Variants in HACD3 observed in about 807,000 individuals in gnomAD.
HACD3 encodes the protein very-long-chain (3R)-3-hydroxyacyl-CoA dehydratase 3.
HACD3 carries 30 observed loss-of-function variants against 55.2 expected under a neutral mutation model. The observed-to-expected ratio is 0.54, with a 90% CI of 0.41 to 0.74. The LOEUF (loss-of-function observed/expected upper bound fraction) is 0.74, where lower values mean the gene tolerates loss of function less well. Ranked by LOEUF, HACD3 falls within the 30% of genes least tolerant of loss-of-function variation. The pLI is 0.00. For synonymous variants in HACD3, 141 were observed against 151.7 expected (o/e 0.93, Z 0.52); for missense variants, 363 against 440.1 (o/e 0.82, Z 1.57).
At position 65,577,975 on chromosome 15, in the gene HACD3, T is replaced by C. The variant is rs1468365132; in HGVS notation, c.*1596T>C. The C allele has an allele frequency of 6.6e-6, 1 of 152,594 alleles. No individual in the cohort carries two copies. Among genetic ancestry groups the C allele is most frequent in the Admixed American group, 6.5e-5 (1 of 15,274 alleles). The allele number at this position is 152,594 out of a possible 1,614,324, so 9.5% of individuals were successfully genotyped here. ...TTGCATAAAAGAATTTAAGGAGTGA[T>C]AGCTCTTTCTGTTCTGCCATTCCCA... is the stretch of plus-strand genomic sequence containing the variant. On this transcript the variant is annotated 3_prime_UTR_variant, in exon 11 of 11. Transcript: ENST00000261875.
intron 5 of HACD3, among the ~76,000 whole-genome samples, chr15:65,561,212 AT>A (rs1428694622): frequency 1.3e-5 from 2 of 152,176 alleles, no homozygotes; most frequent in Non-Finnish European, 2.9e-5. Flanking sequence ...CATGCCTGTA[AT>A]CCCAGCACTT....
At chr15:65,551,620 T>C in intron 1 of HACD3, 56 bp from the exon 2 acceptor site, 1 of 1,598,028 alleles carries the variant, frequency 6.3e-7, no homozygotes. Context: ...CCTTGTTTAA[T>C]CTCATTTTTT....
intron 2 of HACD3, chr15:65,552,008 G>A (rs780267905): frequency 2.2e-5 from 7 of 317,586 alleles, no homozygotes; most frequent in East Asian, 1.3e-4. Context: ...TAATTCTGCC[G>A]CTATCTTGGA....
At chr15:65,569,385 C>T (rs918269223) in intron 7 of HACD3, among the ~76,000 whole-genome samples, 1 of 151,728 alleles carries the variant, frequency 6.6e-6, no homozygotes, top group Non-Finnish European at 1.5e-5. Flanking sequence ...ATATACTGTT[C>T]AGGAATACAT....
At chr15:65,549,137 A>G (rs1190005586) in intron 1 of HACD3, among the ~76,000 whole-genome samples, 1 of 152,230 alleles carries the variant, frequency 6.6e-6, no homozygotes. Context: ...TTGAATAAAA[A>G]TGTCTTAAAA....
chr15:65,569,692 A>C (rs1261275662), intron 7 of HACD3, among the ~76,000 whole-genome samples: 1 of 152,202 alleles, frequency 6.6e-6, no homozygotes, highest in Non-Finnish European at 1.5e-5. Context: ...CGGGTGACGG[A>C]GCGAGACCCC....
At position 65,556,904 on chromosome 15, in the gene HACD3, G is replaced by A. The variant is rs975911268; in HGVS notation, c.369+1G>A. On this transcript the variant is annotated splice_donor_variant, in intron 4 of 10. Coordinates refer to ENST00000261875, the MANE Select transcript of HACD3 (RefSeq NM_016395.4). LOFTEE classifies it high-confidence loss of function. Reference sequence around the variant, plus strand: ...TGCGGAAATGGAGCTCAGAGCTAAGGTTAGTAAGGATCCTAGGATCTAGCC... The same window carrying A: ...TGCGGAAATGGAGCTCAGAGCTAAGATTAGTAAGGATCCTAGGATCTAGCC... 1 of 1,610,118 alleles carries A rather than the reference G, an allele frequency of 6.2e-7. No homozygotes were observed. Among genetic ancestry groups the A allele is most frequent in the Non-Finnish European group, 8.5e-7 (1 of 1,177,948 alleles).
intron 1 of HACD3, among the ~76,000 whole-genome samples, chr15:65,537,952 AAAAAAAATATATATAT>A (rs2071976428): frequency 2.6e-4 from 6 of 23,154 alleles, no homozygotes; most frequent in East Asian, 3.5e-3. Context: ...AAAAAAAAAA[AAAAAAAATATATATAT>A]ATATATATAT....
intron 3 of HACD3, among the ~76,000 whole-genome samples, 192 bp from the exon 4 acceptor site, chr15:65,556,547 T>C (rs1213611701): frequency 1.3e-5 from 2 of 152,170 alleles, no homozygotes; most frequent in African/African-American, 4.8e-5. Context: ...CAACAGGCCA[T>C]GGACCAGTAT....
At chr15:65,554,641 G>T (rs979393502) in intron 2 of HACD3, among the ~76,000 whole-genome samples, 1 of 152,174 alleles carries the variant, frequency 6.6e-6, no homozygotes, top group African/African-American at 2.4e-5. Flanking sequence ...TGGGCATGGT[G>T]GCGGGAGCCT....
At chr15:65,553,712 C>T (rs534658374) in intron 2 of HACD3, among the ~76,000 whole-genome samples, 5 of 152,236 alleles carry the variant, frequency 3.3e-5, no homozygotes, top group African/African-American at 9.6e-5. Context: ...ACTGTCCTAC[C>T]TTAAGGAATT....
intron 10 of HACD3, among the ~76,000 whole-genome samples, chr15:65,573,504 A>C (rs1295795112): frequency 2.6e-5 from 4 of 151,948 alleles, no homozygotes; most frequent in Non-Finnish European, 5.9e-5. Context: ...GCTACTTGGG[A>C]GGCTGAGGCA....
At chr15:65,560,066 G>A (rs1466488701) in intron 5 of HACD3, among the ~76,000 whole-genome samples, 1 of 148,840 alleles carries the variant, frequency 6.7e-6, no homozygotes, top group Non-Finnish European at 1.5e-5. Flanking sequence ...TTTTTGAGAT[G>A]GGGTCTTGCT....
intron 6 of HACD3, among the ~76,000 whole-genome samples, chr15:65,563,590 G>C (rs536120412): frequency 6.6e-6 from 1 of 152,088 alleles, no homozygotes; most frequent in Non-Finnish European, 1.5e-5. Flanking sequence ...GATCTCTTGC[G>C]CCCAGGAGGT....
intron 2 of HACD3, among the ~76,000 whole-genome samples, chr15:65,554,335 A>G (rs995752965): frequency 2.3e-4 from 35 of 152,332 alleles, no homozygotes; most frequent in African/African-American, 8.4e-4. Context: ...CAAAACTGAC[A>G]TCAGAGGACA....
At position 65,568,454 on chromosome 15, in the gene HACD3, G is replaced by A. The variant is rs1403618118; in HGVS notation, c.661-1637G>A. Among the ~76,000 whole-genome samples the A allele has an allele frequency of 4.0e-5, 6 of 151,290 alleles. 1 individual carries two copies. Among genetic ancestry groups the A allele is most frequent in the Admixed American group, 3.3e-4 (5 of 15,164 alleles). On this transcript the variant is annotated intron_variant, in intron 7 of 10. Coordinates refer to ENST00000261875, the MANE Select transcript of HACD3 (RefSeq NM_016395.4). ...GCTCACTGCAACCTCGGCCTCCCAC[G>A]TTCAAGCGATTCTCCTACCTCAGCC... is the stretch of plus-strand genomic sequence containing the variant.
In HACD3 at chr15:65,572,273, A is replaced by T. The variant is rs2072355781; in HGVS notation, c.919A>T (p.Thr307Ser). Residue 307 changes from threonine to serine, a missense_variant, in exon 10 of 11, where the codon ACC becomes TCC. Transcript: ENST00000261875. The stretch of plus-strand genomic sequence containing the variant: ...TCAGTCCATTCCAATATTCAATGAG[A>T]CCGGACGATTCAGTTTCACATTGCC... ...VIQSIPIFNE[T>S]GRFSFTLPYP... is the part of the protein sequence containing the mutation. 1 of 1,613,332 alleles carries T rather than the reference A, an allele frequency of 6.2e-7. No individual in the cohort carries two copies. Among genetic ancestry groups the T allele is most frequent in the Non-Finnish European group, 8.5e-7 (1 of 1,179,782 alleles).
intron 6 of HACD3, 81 bp from the exon 7 acceptor site, chr15:65,564,134 G>T: frequency 6.8e-7 from 1 of 1,479,002 alleles, no homozygotes. Context: ...TTATTTTCAC[G>T]AAAGGAGTAA....
At position 65,571,584 on chromosome 15, in the gene HACD3, T is replaced by C. The variant is rs766200645; in HGVS notation, c.810T>C (p.Asp270=). The change falls in exon 9 of 11, where the codon GAT becomes GAC. Residue 270 remains aspartate (D), a synonymous_variant. Coordinates refer to ENST00000261875, the MANE Select transcript of HACD3 (RefSeq NM_016395.4). ...ACATGCTGACGTGCATTGACATGGA[T>C]TGGAAGGTGCTCACATGGCTTCGTT... ...SFYMLTCIDM[D]WKVLTWLRYT... 3 of 1,613,906 alleles carry C rather than the reference T, an allele frequency of 1.9e-6. No individual in the cohort carries two copies. The highest frequency in any genetic ancestry group is 1.1e-5 in the South Asian group (1 of 91,078).
Sources: allele counts gnomAD v4.1 joint callset (sites outside exome capture counted in the v4.1 genomes callset), GRCh38; gene constraint gnomAD v4.1.1; transcripts MANE v1.5; gene names NCBI Gene and HGNC (gene_info 2026-07-23, HGNC 2026-07-21).